CELSR1: variants seen among roughly 807,000 people sequenced by gnomAD.
The protein encoded by CELSR1 is cadherin EGF LAG seven-pass G-type receptor 1.
Under a neutral mutation model 249.1 loss-of-function variants are expected in CELSR1, and 110 were observed. That is an observed-to-expected ratio of 0.44 (90% confidence interval 0.38 to 0.52). The LOEUF (loss-of-function observed/expected upper bound fraction) is 0.52. CELSR1 is among the 20% of genes least tolerant of loss of function. The probability of loss-of-function intolerance (pLI) is 0.00; values close to 1 mark genes in which losing one functional copy is unlikely to be tolerated. For synonymous variants in CELSR1, 2,113 were observed against 1,900.0 expected (o/e 1.11, Z -2.92); for missense variants, 4,109 against 4,296.4 (o/e 0.96, Z 1.22).
chr22:46,384,725 G>T, intron 19 of CELSR1, 39 bp from the exon 20 acceptor site: 1 of 1,577,842 alleles, frequency 6.3e-7, no homozygotes, highest in Non-Finnish European at 8.6e-7. Context: ...TAACTCCCAG[G>T]GCTTTCTTGA....
chr22:46,444,997 G>A (rs1295566016), intron 2 of CELSR1, among the ~76,000 whole-genome samples: 2 of 152,196 alleles, frequency 1.3e-5, no homozygotes, highest in Non-Finnish European at 2.9e-5. Context: ...CCTGAGATCA[G>A]GGGTTCGCGA....
chr22:46,369,884 G>A (rs1395675798), intron 25 of CELSR1, 80 bp from the exon 26 acceptor site: 4 of 1,173,482 alleles, frequency 3.4e-6, no homozygotes, highest in East Asian at 4.7e-5. Flanking sequence ...GCCAGGGTGG[G>A]GTGAAATGGG....
intron 2 of CELSR1, among the ~76,000 whole-genome samples, chr22:46,457,935 C>T (rs2079975903): frequency 6.6e-6 from 1 of 152,238 alleles, no homozygotes; most frequent in Admixed American, 6.5e-5. Flanking sequence ...TTATCTCTGG[C>T]CTACGTGGAG....
At chr22:46,494,180 A>G (rs2080393139) in intron 1 of CELSR1, among the ~76,000 whole-genome samples, 1 of 152,120 alleles carries the variant, frequency 6.6e-6, no homozygotes, top group Non-Finnish European at 1.5e-5. Flanking sequence ...CCGCTGGCCT[A>G]TCTGGCTATC....
Position 46,534,256 on chromosome 22 carries a change from T to A in CELSR1, c.2915A>T (p.Asp972Val). ...AVYNLWALAVDRGSPTPLSAS... is the reference protein window; with the variant it reads ...AVYNLWALAVVRGSPTPLSAS... ...GCTAAGGGGAGTGGGACTGCCCCGA[T>A]CCACAGCCAGAGCCCAAAGGTTGTA... The change falls in exon 1 of 35, where the codon GAT becomes GTT. Residue 972 changes from aspartate to valine, a missense_variant. By Grantham distance (152) the Asp-to-Val change is radical. Around this residue, in one of 7 missense-constraint regions of CELSR1, gnomAD observed 886 missense variants for 896.5 expected, o/e 0.99. Coordinates refer to ENST00000674500, the MANE Select transcript of CELSR1 (RefSeq NM_001378328.1). This position sits in a 1 kb window ranked among gnomAD's most constrained non-coding sequence, Gnocchi z 9.7. The A allele has an allele frequency of 6.2e-7, 1 of 1,613,452 alleles. No individual in the cohort carries two copies. Among genetic ancestry groups the A allele is most frequent in the Non-Finnish European group, 8.5e-7 (1 of 1,180,016 alleles).
rs530057747 is a variant in CELSR1, at chr22:46,417,621, C to G, written c.4612-5862G>C. Reference sequence around the variant, plus strand: ...ACTATCCCAGGTTGTAAGGGGAACTCAAGTTCCTCTGCCCAACTCTGGCTG... The same window carrying G: ...ACTATCCCAGGTTGTAAGGGGAACTGAAGTTCCTCTGCCCAACTCTGGCTG... On this transcript the variant is annotated intron_variant, in intron 5 of 34. Coordinates refer to ENST00000674500, the MANE Select transcript of CELSR1 (RefSeq NM_001378328.1). This position sits in a 1 kb window ranked among gnomAD's most constrained non-coding sequence, Gnocchi z 4.1. Among the ~76,000 whole-genome samples the G allele has an allele frequency of 1.3e-5, 2 of 152,244 alleles. No individual in the cohort carries two copies. The highest frequency in any genetic ancestry group is 1.5e-5 in the Non-Finnish European group (1 of 68,052).
chr22:46,444,453 T>C (rs1295044463), intron 2 of CELSR1, among the ~76,000 whole-genome samples: 4 of 152,196 alleles, frequency 2.6e-5, no homozygotes, highest in Admixed American at 6.5e-5. Context: ...GATCAACAGG[T>C]GGCTGCTAAT....
chr22:46,384,475 A>C, intron 20 of CELSR1, 68 bp downstream of exon 20: 1 of 1,506,228 alleles, frequency 6.6e-7, no homozygotes, highest in East Asian at 2.5e-5. Context: ...CGATGCCCGC[A>C]GCGGGGCCCT....
chr22:46,491,270 T>C (rs1602206976), intron 1 of CELSR1, among the ~76,000 whole-genome samples: 2 of 150,536 alleles, frequency 1.3e-5, no homozygotes, highest in East Asian at 3.9e-4. Context: ...CACTTTTTTT[T>C]TTTTTTTTTT....
intron 5 of CELSR1, among the ~76,000 whole-genome samples, chr22:46,418,479 C>T (rs1019806312): frequency 8.0e-5 from 12 of 150,636 alleles, no homozygotes; most frequent in Middle Eastern, 3.4e-3. Context: ...AGCAAGATTC[C>T]GCCTCAGAAT....
rs2080513836 is a variant in CELSR1, at chr22:46,506,248, T to C, written c.3544+27379A>G. 6.6e-6 allele frequency among the ~76,000 whole-genome samples: 1 copy of C among 151,706 alleles called. No individual in the cohort carries two copies. Among genetic ancestry groups the C allele is most frequent in the South Asian group, 2.1e-4 (1 of 4,808 alleles). ...ACTGACTACTGACGGATTGCTGGGTTCTGGATGGACATGCAGAGCACCCGC... is the reference window on the plus strand; with the variant it reads ...ACTGACTACTGACGGATTGCTGGGTCCTGGATGGACATGCAGAGCACCCGC... On this transcript the variant is annotated intron_variant, in intron 1 of 34. Coordinates refer to ENST00000674500, the MANE Select transcript of CELSR1 (RefSeq NM_001378328.1). The surrounding 1 kb of genome is among the most constrained non-coding windows in gnomAD (Gnocchi z 4.1).
intron 1 of CELSR1, among the ~76,000 whole-genome samples, chr22:46,475,556 T>A (rs2080199601): frequency 1.3e-5 from 2 of 151,484 alleles, no homozygotes; most frequent in African/African-American, 4.8e-5. Context: ...GTGACGCCCA[T>A]GAAACAATGT....
At chr22:46,532,397 G>A (rs1225122112) in intron 1 of CELSR1, among the ~76,000 whole-genome samples, 1 of 152,188 alleles carries the variant, frequency 6.6e-6, no homozygotes, top group Non-Finnish European at 1.5e-5. Context: ...CCAAAATTGT[G>A]CGGAAGGTTT....
rs984643523 is a variant in CELSR1 at position 46,500,549 on chromosome 22, A to G, written c.3544+33078T>C. On this transcript the variant is annotated intron_variant, in intron 1 of 34. Transcript: ENST00000674500. The surrounding 1 kb of genome is among the most constrained non-coding windows in gnomAD (Gnocchi z 4.9). ...GCCACTGGGAGCTCTGGGAGCTTCCAAAGGGGGCGTCAATGACACCCATAA... is the reference window on the plus strand; with the variant it reads ...GCCACTGGGAGCTCTGGGAGCTTCCGAAGGGGGCGTCAATGACACCCATAA... Among the ~76,000 whole-genome samples, 1 of 152,148 alleles carries G rather than the reference A, an allele frequency of 6.6e-6. No homozygotes were observed. The highest frequency in any genetic ancestry group is 1.5e-5 in the Non-Finnish European group (1 of 68,024).
chr22:46,474,785 C>CTGCTTTTTT (rs1555925990), intron 1 of CELSR1, among the ~76,000 whole-genome samples: 10 of 45,178 alleles, frequency 2.2e-4, no homozygotes, highest in Admixed American at 4.8e-4. Flanking sequence ...CTACTCTCTA[C>CTGCTTTTTT]TTCTTTTTTT....
rs6008856 is a variant in CELSR1 at position 46,471,806 on chromosome 22, C to T, written c.3545-7461G>A. Among the ~76,000 whole-genome samples the T allele has an allele frequency of 0.047, 7,095 of 152,232 alleles. 383 individuals carry two copies. Among genetic ancestry groups the T allele is most frequent in the African/African-American group, 0.13 (5,492 of 41,494 alleles). ...CCACTGTCCTCTCCTGTCCCAGGAC[C>T]CCACACCACACTCAGCTCCCCTGCA... On this transcript the variant is annotated intron_variant, in intron 1 of 34. Coordinates refer to ENST00000674500, the MANE Select transcript of CELSR1 (RefSeq NM_001378328.1). This position sits in a 1 kb window ranked among gnomAD's most constrained non-coding sequence, Gnocchi z 4.9.
intron 5 of CELSR1, among the ~76,000 whole-genome samples, chr22:46,431,386 G>C (rs989914257): frequency 6.6e-6 from 1 of 152,222 alleles, no homozygotes; most frequent in Non-Finnish European, 1.5e-5. Context: ...CTGGAGTGTT[G>C]AGCACTGATG....
chr22:46,500,152 ACCCCAGCCC>A lies in CELSR1; in HGVS notation c.3544+33466_3544+33474del, dbSNP rs2080452459. 1.4e-5 allele frequency among the ~76,000 whole-genome samples: 1 copy of A among 71,052 alleles called. No individual in the cohort carries two copies. Among genetic ancestry groups the A allele is most frequent in the Non-Finnish European group, 2.8e-5 (1 of 35,236 alleles). The allele number at this position is 71,052 out of a possible 152,430, so 46.6% of individuals were successfully genotyped here. A position where few individuals can be genotyped will look rare whatever the true frequency, so the allele number is the denominator to read the frequency against. ...CCCCTGGTCCTCCCAGCATGATCCCACCCCAGCCCCTGGTCCTCCCAGCATGATCCCACC... is the reference window on the plus strand; with the variant it reads ...CCCCTGGTCCTCCCAGCATGATCCCACTGGTCCTCCCAGCATGATCCCACC... On this transcript the variant is annotated intron_variant, in intron 1 of 34. Transcript: ENST00000674500. The surrounding 1 kb of genome is among the most constrained non-coding windows in gnomAD (Gnocchi z 4.9).
At position 46,536,248 on chromosome 22, in the gene CELSR1, T is replaced by C. The variant is rs1415580843; in HGVS notation, c.923A>G (p.Asp308Gly). 6.2e-7 allele frequency: 1 copy of C among 1,612,376 alleles called. No individual in the cohort carries two copies. The highest frequency in any genetic ancestry group is 1.7e-5 in the Admixed American group (1 of 60,014). The change falls in exon 1 of 35, where the codon GAC (aspartate) becomes GGC (glycine). Residue 308 changes from aspartate (D) to glycine (G), a missense_variant. Transcript: ENST00000674500. ...CTTGGTCTCGCGGTCCAGTACGCTG[T>C]CCGTGCTCACGGCGCCCGTGGCAGA... ...IDSATGAVSTDSVLDRETKET... is the reference protein window; with the variant it reads ...IDSATGAVSTGSVLDRETKET...
Sources: allele counts gnomAD v4.1 joint callset (sites outside exome capture counted in the v4.1 genomes callset), GRCh38; gene constraint gnomAD v4.1.1; regional missense constraint gnomAD v4.1.1; non-coding constraint Gnocchi (gnomAD v3.1); transcripts MANE v1.5; gene names NCBI Gene and HGNC (gene_info 2026-07-23, HGNC 2026-07-21).